RBFOX1: variants seen among roughly 807,000 people sequenced by gnomAD.
The protein encoded by RBFOX1 is RNA binding protein fox-1 homolog 1.
Under a neutral mutation model 57.7 loss-of-function variants are expected in RBFOX1, and 8 were observed. The observed-to-expected ratio is 0.14, with a 90% CI of 0.08 to 0.25. The LOEUF (loss-of-function observed/expected upper bound fraction) is 0.25. RBFOX1 is among the 10% of genes least tolerant of loss of function. The probability of loss-of-function intolerance (pLI) is 1.00; values close to 1 mark genes in which losing one functional copy is unlikely to be tolerated. For synonymous variants in RBFOX1, 326 were observed against 222.4 expected, an observed-to-expected ratio of 1.47 and a Z score of -4.15; for missense variants, 611 against 548.5, an observed-to-expected ratio of 1.11 and a Z score of -1.14.
chr16:6,690,513 G>T lies in RBFOX1; in HGVS notation c.-16+35863G>T, dbSNP rs976216487. On this transcript the variant is annotated intron_variant, in intron 3 of 15. Transcript: ENST00000550418. The stretch of plus-strand genomic sequence containing the variant: ...ATTAACCTATTTGTTTAAAAAAATA[G>T]TATATAAGTAAAAGGCAAACAAAAC... 5.3e-5 allele frequency among the ~76,000 whole-genome samples: 8 copies of T among 152,048 alleles called. No homozygotes were observed. In the East Asian group the frequency reaches 1.5e-3, roughly 29 times the overall value.
chr16:7,565,061 G>T (rs2152711576), intron 5 of RBFOX1, among the ~76,000 whole-genome samples: 1 of 152,168 alleles, frequency 6.6e-6, no homozygotes, highest in East Asian at 1.9e-4. Flanking sequence ...TGAAAAAGCA[G>T]GAAGCTGGGA....
At chr16:7,202,077 C>G (rs1251535987) in intron 4 of RBFOX1, among the ~76,000 whole-genome samples, 1 of 151,916 alleles carries the variant, frequency 6.6e-6, no homozygotes, top group East Asian at 1.9e-4. Context: ...TTAACTGTCT[C>G]CAAAAATCAA....
intron 4 of RBFOX1, among the ~76,000 whole-genome samples, chr16:7,195,132 C>G (rs190669309): frequency 6.6e-6 from 1 of 152,126 alleles, no homozygotes; most frequent in Non-Finnish European, 1.5e-5. Context: ...GTCAACTTCA[C>G]CATGTTTTGT....
chr16:5,876,537 C>G (rs947066413), intron 4 of RBFOX1, among the ~76,000 whole-genome samples: 1 of 152,124 alleles, frequency 6.6e-6, no homozygotes, highest in African/African-American at 2.4e-5. Context: ...AATCTCATCT[C>G]TCCTCCTCTA....
chr16:6,168,028 G>C (rs760870669), intron 1 of RBFOX1, among the ~76,000 whole-genome samples: 18 of 152,134 alleles, frequency 1.2e-4, no homozygotes, highest in Non-Finnish European at 2.5e-4. Flanking sequence ...GGCTTTATTT[G>C]GGATGGAGAC....
At chr16:6,061,982 C>T (rs933839493) in intron 1 of RBFOX1, among the ~76,000 whole-genome samples, 1 of 152,146 alleles carries the variant, frequency 6.6e-6, no homozygotes, top group Non-Finnish European at 1.5e-5. Flanking sequence ...GGTTAGGATT[C>T]CCATGTCCCT....
At chr16:6,945,366 C>T (rs534954807) in intron 3 of RBFOX1, among the ~76,000 whole-genome samples, 48 of 152,122 alleles carry the variant, frequency 3.2e-4, no homozygotes, top group Non-Finnish European at 6.3e-4. Flanking sequence ...CAAACATGGC[C>T]CATTGCTGGT....
chr16:6,364,881 G>T (rs1033280361), intron 2 of RBFOX1, among the ~76,000 whole-genome samples: 2 of 152,140 alleles, frequency 1.3e-5, no homozygotes, highest in African/African-American at 4.8e-5. Flanking sequence ...TCCCATCCTA[G>T]ACTGGGCGAG....
At chr16:6,330,668 G>A (rs373871900) in intron 2 of RBFOX1, among the ~76,000 whole-genome samples, 107 of 152,278 alleles carry the variant, frequency 7.0e-4, no homozygotes, top group African/African-American at 2.5e-3. Flanking sequence ...CACCCATGCT[G>A]CCTAGACTCA....
At chr16:7,525,439 G>A (rs2078478881) in intron 5 of RBFOX1, among the ~76,000 whole-genome samples, 1 of 152,130 alleles carries the variant, frequency 6.6e-6, no homozygotes, top group Non-Finnish European at 1.5e-5. Context: ...ATCTCTGTTT[G>A]CCTCTGGGTG....
intron 4 of RBFOX1, among the ~76,000 whole-genome samples, chr16:7,225,905 AAT>A (rs1555600461): frequency 4.3e-5 from 4 of 93,734 alleles, no homozygotes; most frequent in Middle Eastern, 5.5e-3. Flanking sequence ...AAGTATAATA[AAT>A]ATATATATAT....
chr16:7,363,053 G>T (rs146757221), intron 4 of RBFOX1, among the ~76,000 whole-genome samples: 2 of 152,198 alleles, frequency 1.3e-5, no homozygotes, highest in Non-Finnish European at 2.9e-5. Context: ...AAATCACCCA[G>T]TGTGGGGCCT....
At chr16:7,663,523 G>T (rs912363932) in intron 12 of RBFOX1, among the ~76,000 whole-genome samples, 2 of 151,956 alleles carry the variant, frequency 1.3e-5, no homozygotes, top group African/African-American at 4.8e-5. Context: ...GTGTGTGTGT[G>T]TGTGTGTGTT....
rs145787819 is a variant in RBFOX1 at position 6,631,846 on chromosome 16, TGGC to T, written c.-63-22756_-63-22754del. On this transcript the variant is annotated intron_variant, in intron 2 of 15. Coordinates refer to ENST00000550418, the MANE Select transcript of RBFOX1 (RefSeq NM_018723.4). Reference sequence around the variant, plus strand: ...GCGGGTGCATGCAAACACCCCAAGGTGGCCACAAACTTAATGCATTTGAGAAGC... The same window carrying T: ...GCGGGTGCATGCAAACACCCCAAGGTCACAAACTTAATGCATTTGAGAAGC... 5.3e-3 allele frequency among the ~76,000 whole-genome samples: 801 copies of T among 151,902 alleles called. 8 individuals carry two copies. Among genetic ancestry groups the T allele is most frequent in the African/African-American group, 0.018 (764 of 41,412 alleles).
chr16:6,303,433 G>A (rs960117741), intron 1 of RBFOX1, among the ~76,000 whole-genome samples: 6 of 152,126 alleles, frequency 3.9e-5, no homozygotes, highest in Non-Finnish European at 8.8e-5. Flanking sequence ...CAGCTAGCTA[G>A]TTTCTTTTTC....
chr16:7,622,333 T>C (rs1341674276), intron 10 of RBFOX1, among the ~76,000 whole-genome samples: 1 of 152,202 alleles, frequency 6.6e-6, no homozygotes, highest in Admixed American at 6.5e-5. Flanking sequence ...ATGATCTAAG[T>C]TAAAGTTGAG....
chr16:5,699,140 A>G (rs934978347), intron 3 of RBFOX1, among the ~76,000 whole-genome samples: 2 of 151,924 alleles, frequency 1.3e-5, no homozygotes, highest in African/African-American at 4.8e-5. Flanking sequence ...GGTGCATGCC[A>G]CCACACCCAG....
At chr16:5,616,006 T>C (rs1161998387) in intron 3 of RBFOX1, 1 of 152,272 alleles carries the variant, frequency 6.6e-6, no homozygotes, top group Non-Finnish European at 1.5e-5. Flanking sequence ...CTGAACCGTC[T>C]GTTGTGGTCA....
intron 1 of RBFOX1, among the ~76,000 whole-genome samples, chr16:6,316,671 G>A (rs2152775976): frequency 6.6e-6 from 1 of 152,154 alleles, no homozygotes; most frequent in East Asian, 1.9e-4. Flanking sequence ...CAAGCTTGGT[G>A]TTGACTTGCC....
Sources: allele counts gnomAD v4.1 joint callset (sites outside exome capture counted in the v4.1 genomes callset), GRCh38; gene constraint gnomAD v4.1.1; transcripts MANE v1.5; gene names NCBI Gene and HGNC (gene_info 2026-07-23, HGNC 2026-07-21).